The following PACRG variants were observed in gnomAD, a reference collection of about 807,000 sequenced individuals.
PACRG encodes the protein parkin coregulated.
PACRG carries 29 observed loss-of-function variants against 29.7 expected under a neutral mutation model. The observed-to-expected ratio is 0.98, with a 90% confidence interval of 0.73 to 1.33. The LOEUF is 1.33. Among genes scored for constraint, PACRG ranks in the 40% most tolerant of loss-of-function variants. PACRG has a pLI of 0.00. For synonymous variants in PACRG, 116 were observed against 118.7 expected, an observed-to-expected ratio of 0.98 and a Z score of 0.15; for missense variants, 279 against 316.2, an observed-to-expected ratio of 0.88 and a Z score of 0.89.
intron 2 of PACRG, among the ~76,000 whole-genome samples, chr6:162,947,648 A>ATG (rs1799341607): frequency 1.9e-5 from 1 of 51,414 alleles, no homozygotes; most frequent in African/African-American, 8.0e-5. Context: ...ATATATATAT[A>ATG]CACCCAAAGA....
intron 4 of PACRG, among the ~76,000 whole-genome samples, chr6:163,121,793 G>A (rs1816286086): frequency 6.6e-6 from 1 of 151,290 alleles, no homozygotes; most frequent in Admixed American, 6.6e-5. Context: ...CTCCCGAGTA[G>A]CTGGGACCAC....
At chr6:162,886,728 G>C (rs1436821108) in intron 2 of PACRG, among the ~76,000 whole-genome samples, 1 of 152,130 alleles carries the variant, frequency 6.6e-6, no homozygotes. Flanking sequence ...CACAAATCTA[G>C]AGGAGAGTGT....
chr6:163,188,765 G>T (rs188328513), intron 4 of PACRG, among the ~76,000 whole-genome samples: 6 of 152,130 alleles, frequency 3.9e-5, no homozygotes, highest in Non-Finnish European at 7.3e-5. Context: ...TTGGTGTGTC[G>T]TTCTGTTGTG....
chr6:162,877,706 A>G (rs1483153913), intron 2 of PACRG, among the ~76,000 whole-genome samples: 3 of 152,190 alleles, frequency 2.0e-5, no homozygotes, highest in Admixed American at 6.5e-5. Flanking sequence ...TATATAAGAC[A>G]TGTTTTATAT....
intron 2 of PACRG, among the ~76,000 whole-genome samples, chr6:162,869,537 C>T (rs1212919665): frequency 6.6e-6 from 1 of 152,090 alleles, no homozygotes; most frequent in Non-Finnish European, 1.5e-5. Flanking sequence ...GTGCTTTGCC[C>T]TTGCTCTGAT....
chr6:162,915,784 T>C (rs1402524860), intron 2 of PACRG, among the ~76,000 whole-genome samples: 2 of 152,156 alleles, frequency 1.3e-5, no homozygotes, highest in African/African-American at 4.8e-5. Context: ...CCACTTGACA[T>C]CTAATGTAGA....
chr6:162,876,313 T>G (rs902054978), intron 2 of PACRG, among the ~76,000 whole-genome samples: 14 of 152,268 alleles, frequency 9.2e-5, no homozygotes, highest in African/African-American at 2.9e-4. Flanking sequence ...AAACCATCAC[T>G]CTCTTCCTGC....
chr6:163,254,166 AT>A (rs1783016004), intron 4 of PACRG, among the ~76,000 whole-genome samples: 2 of 152,200 alleles, frequency 1.3e-5, no homozygotes, highest in African/African-American at 4.8e-5. Flanking sequence ...TTTAAAAAAA[AT>A]CTCATTCATC....
intron 2 of PACRG, among the ~76,000 whole-genome samples, chr6:162,971,185 A>G (rs1210100506): frequency 6.6e-6 from 1 of 152,238 alleles, no homozygotes. Flanking sequence ...GGAAGGTAGC[A>G]AAATAAAGAA....
intron 1 of PACRG, among the ~76,000 whole-genome samples, chr6:162,803,721 T>C (rs1786075802): frequency 6.6e-6 from 1 of 152,218 alleles, no homozygotes; most frequent in Admixed American, 6.5e-5. Context: ...TGCATGCATA[T>C]TGTATTTATA....
intron 4 of PACRG, among the ~76,000 whole-genome samples, chr6:163,122,638 G>A (rs1409701883): frequency 6.6e-6 from 1 of 152,178 alleles, no homozygotes; most frequent in Non-Finnish European, 1.5e-5. Flanking sequence ...CCCAGAAGTA[G>A]ACACTGGTGC....
chr6:162,901,460 G>A (rs1795553785), intron 2 of PACRG, among the ~76,000 whole-genome samples: 1 of 152,150 alleles, frequency 6.6e-6, no homozygotes, highest in Non-Finnish European at 1.5e-5. Flanking sequence ...CTTTCTCTAA[G>A]GCATGTACTG....
chr6:162,866,825 G>T (rs1405897195), intron 2 of PACRG, among the ~76,000 whole-genome samples: 3 of 152,142 alleles, frequency 2.0e-5, no homozygotes, highest in Non-Finnish European at 4.4e-5. Flanking sequence ...CGAACCAAAA[G>T]ATACCAGAGA....
chr6:163,168,167 A>G (rs766423193), intron 4 of PACRG, among the ~76,000 whole-genome samples: 9 of 152,122 alleles, frequency 5.9e-5, no homozygotes, highest in Non-Finnish European at 8.8e-5. Context: ...CAGAATGGGC[A>G]CTCCAATAAA....
intron 2 of PACRG, among the ~76,000 whole-genome samples, chr6:162,904,126 G>C (rs1285556994): frequency 6.6e-6 from 1 of 152,156 alleles, no homozygotes; most frequent in African/African-American, 2.4e-5. Context: ...CAGAACCTCA[G>C]CTTTTCCTCT....
chr6:163,254,600 G>T (rs867016645), intron 4 of PACRG, among the ~76,000 whole-genome samples: 3 of 152,210 alleles, frequency 2.0e-5, no homozygotes, highest in Non-Finnish European at 4.4e-5. Context: ...TAAGGTCACT[G>T]TCCAGGACGA....
intron 4 of PACRG, among the ~76,000 whole-genome samples, chr6:163,090,714 T>G (rs1202736466): frequency 1.3e-5 from 2 of 152,112 alleles, no homozygotes; most frequent in Non-Finnish European, 2.9e-5. Flanking sequence ...TCAACTAAGG[T>G]CGATAAAAGA....
intron 2 of PACRG, among the ~76,000 whole-genome samples, chr6:162,844,825 T>C (rs1395860835): frequency 6.6e-6 from 1 of 152,244 alleles, no homozygotes; most frequent in African/African-American, 2.4e-5. Flanking sequence ...TCCAGTATTA[T>C]AGTTATTTAT....
At chr6:163,031,886 T>C (rs1189784594) in intron 2 of PACRG, among the ~76,000 whole-genome samples, 1 of 152,174 alleles carries the variant, frequency 6.6e-6, no homozygotes, top group Non-Finnish European at 1.5e-5. Context: ...AGGCAAGGTA[T>C]GAGGCCAGTT....
Sources: gnomAD v4.1 joint callset for allele counts (sites outside exome capture counted in the v4.1 genomes callset) on GRCh38, gnomAD v4.1.1 for gene constraint, MANE v1.5 for transcripts, NCBI Gene and HGNC (gene_info 2026-07-23, HGNC 2026-07-21) for gene names.